The following OSTF1 variants were observed in gnomAD, a reference collection of about 807,000 sequenced individuals.
OSTF1 encodes osteoclast stimulating factor 1.
In OSTF1, 27 loss-of-function variants were observed where a neutral mutation model predicts 37.2. The ratio of observed to expected loss-of-function variants is 0.73; its 90% CI spans 0.54 to 1.00. The LOEUF (loss-of-function observed/expected upper bound fraction) is 1.00. OSTF1 is among the 50% of genes least tolerant of loss of function. OSTF1 has a pLI of 0.00. For synonymous variants in OSTF1, 82 were observed against 89.2 expected, an observed-to-expected ratio of 0.92 and a Z score of 0.46; for missense variants, 232 against 253.8, an observed-to-expected ratio of 0.91 and a Z score of 0.58.
chr9:75,090,296 T>TA, intron 1 of OSTF1, among the ~76,000 whole-genome samples: 1 of 1,648 alleles, frequency 6.1e-4, no homozygotes, highest in Non-Finnish European at 1.9e-3. Flanking sequence ...CATTGACAGG[T>TA]GTGTGTGTGT....
At position 75,146,849 on chromosome 9, in the gene OSTF1, A is replaced by C; in HGVS notation, c.*108A>C. 1 of 737,452 alleles carries C rather than the reference A, an allele frequency of 1.4e-6. No individual in the cohort carries two copies. The highest frequency in any genetic ancestry group is 2.3e-6 in the Non-Finnish European group (1 of 433,536). The allele number at this position is 737,452 out of a possible 1,614,324, so 45.7% of individuals were successfully genotyped here. On this transcript the variant is annotated 3_prime_UTR_variant, in exon 10 of 10. Coordinates refer to ENST00000346234, the MANE Select transcript of OSTF1 (RefSeq NM_012383.5). ...ACTATAAAGAAAATTATATATGAAC[A>C]CGGCAGTGTTGCACTGTGTTTGAGT...
chr9:75,129,370 T>C (rs1385286140), intron 3 of OSTF1, among the ~76,000 whole-genome samples: 1 of 152,076 alleles, frequency 6.6e-6, no homozygotes, highest in Non-Finnish European at 1.5e-5. Context: ...GATGAGGAAG[T>C]TTTTGTTTAA....
rs1447258098 is a variant in OSTF1 at position 75,131,756 on chromosome 9, TA to T, written c.197-13del. On this transcript the variant is annotated splice_polypyrimidine_tract_variant and intron_variant, in intron 4 of 9. Transcript: ENST00000346234. The stretch of plus-strand genomic sequence containing the variant: ...AATTCCACATTGGGTTAACACTTTT[TA>T]TTTTCAATCTAGTGGCTGAGCAGGC... The T allele has an allele frequency of 6.2e-7, 1 of 1,611,230 alleles. No homozygotes were observed. The highest frequency in any genetic ancestry group is 8.5e-7 in the Non-Finnish European group (1 of 1,177,422).
At chr9:75,108,480 T>C (rs924086181) in intron 1 of OSTF1, among the ~76,000 whole-genome samples, 1 of 152,120 alleles carries the variant, frequency 6.6e-6, no homozygotes, top group South Asian at 2.1e-4. Flanking sequence ...TATAAATGAT[T>C]ATTCATTGTT....
chr9:75,100,623 C>T (rs911699162), intron 1 of OSTF1, among the ~76,000 whole-genome samples: 3 of 151,150 alleles, frequency 2.0e-5, no homozygotes, highest in African/African-American at 4.9e-5. Flanking sequence ...CCCAGCTACT[C>T]GGGAGGCTAA....
In OSTF1 at chr9:75,105,674, T is replaced by C. The variant is rs1825271316; in HGVS notation, c.35-11830T>C. ...TTAATTTCAAGGACAGAGATCATTT[T>C]CTTCCATTTTTCCCAAGGTCTCCTC... On this transcript the variant is annotated intron_variant, in intron 1 of 9. Transcript: ENST00000346234. Among the ~76,000 whole-genome samples, 2 of 152,148 alleles carry C rather than the reference T, an allele frequency of 1.3e-5. 1 individual carries two copies. Among genetic ancestry groups the C allele is most frequent in the South Asian group, 4.1e-4 (2 of 4,826 alleles).
intron 2 of OSTF1, among the ~76,000 whole-genome samples, chr9:75,123,579 C>G (rs1272313400): frequency 6.6e-6 from 1 of 152,196 alleles, no homozygotes; most frequent in Admixed American, 6.5e-5. Context: ...AGGTATCCTG[C>G]TAGTGGTTTC....
intron 1 of OSTF1, among the ~76,000 whole-genome samples, chr9:75,095,466 G>A (rs1825058933): frequency 6.6e-6 from 1 of 152,214 alleles, no homozygotes; most frequent in Non-Finnish European, 1.5e-5. Flanking sequence ...TGTTACGGAA[G>A]AGGAGTAATC....
intron 7 of OSTF1, among the ~76,000 whole-genome samples, chr9:75,136,682 A>G (rs2118608247): frequency 6.6e-6 from 1 of 152,318 alleles, no homozygotes; most frequent in East Asian, 1.9e-4. Context: ...GTGAGCCACC[A>G]TGCCTGGCCC....
intron 2 of OSTF1, 52 bp from the exon 3 acceptor site, chr9:75,127,517 T>C: frequency 1.0e-6 from 1 of 999,632 alleles, no homozygotes; most frequent in Non-Finnish European, 1.5e-6. Context: ...TATATAATCA[T>C]ATTCTAATTC....
intron 3 of OSTF1, 149 bp from the exon 4 acceptor site, chr9:75,130,429 C>T: frequency 1.7e-6 from 1 of 588,960 alleles, no homozygotes. Context: ...AGACGGACAC[C>T]CACAGCTAGG....
intron 1 of OSTF1, among the ~76,000 whole-genome samples, chr9:75,113,432 A>G (rs1825426163): frequency 1.3e-5 from 2 of 151,230 alleles, no homozygotes; most frequent in African/African-American, 2.4e-5. Flanking sequence ...TCTGTCTGCA[A>G]TATTCTTTTT....
In OSTF1 at chr9:75,131,790, A is replaced by G. The variant is rs775310664; in HGVS notation, c.217A>G (p.Ile73Val). Residue 73 changes from isoleucine (I) to valine (V), a missense_variant, in exon 5 of 10, where the codon ATT becomes GTT. Coordinates refer to ENST00000346234, the MANE Select transcript of OSTF1 (RefSeq NM_012383.5). ...TCTAGTGGCTGAGCAGGCAGAATCC[A>G]TTGACAATCCATTGCATGAAGCAGC... is the stretch of plus-strand genomic sequence containing the variant. Reference protein sequence around the residue: ...SNYVAEQAESIDNPLHEAAKR... With the variant: ...SNYVAEQAESVDNPLHEAAKR... 5.0e-6 allele frequency: 8 copies of G among 1,613,718 alleles called. No individual in the cohort carries two copies. The highest frequency in any genetic ancestry group is 6.8e-6 in the Non-Finnish European group (8 of 1,179,702).
chr9:75,111,406 G>T (rs1214259858), intron 1 of OSTF1, among the ~76,000 whole-genome samples: 1 of 152,176 alleles, frequency 6.6e-6, no homozygotes, highest in Non-Finnish European at 1.5e-5. Context: ...GGACAGAACA[G>T]AGAAGGGTGG....
rs138416611 is a variant in OSTF1 at position 75,107,468 on chromosome 9, C to T, written c.35-10036C>T. ...CTCTTGATCAAATAATTCTCTTCCTCTTCTTTCATTTTGAGAGCTCTAAGA... is the reference window on the plus strand; with the variant it reads ...CTCTTGATCAAATAATTCTCTTCCTTTTCTTTCATTTTGAGAGCTCTAAGA... On this transcript the variant is annotated intron_variant, in intron 1 of 9. Coordinates refer to ENST00000346234, the MANE Select transcript of OSTF1 (RefSeq NM_012383.5). Among the ~76,000 whole-genome samples, 357 of 152,200 alleles carry T rather than the reference C, an allele frequency of 2.3e-3. 3 individuals are homozygous for T. Among genetic ancestry groups the T allele is most frequent in the African/African-American group, 7.9e-3 (328 of 41,536 alleles).
At chr9:75,119,503 A>G (rs953193847) in intron 2 of OSTF1, among the ~76,000 whole-genome samples, 5 of 152,224 alleles carry the variant, frequency 3.3e-5, no homozygotes, top group Non-Finnish European at 5.9e-5. Context: ...GATTTAACCA[A>G]AAGAAGTTTA....
chr9:75,116,089 G>C (rs951012457), intron 1 of OSTF1, among the ~76,000 whole-genome samples: 1 of 151,970 alleles, frequency 6.6e-6, no homozygotes, highest in Non-Finnish European at 1.5e-5. Flanking sequence ...GGGCGAAAGA[G>C]TGAGAATCTG....
chr9:75,117,651 G>A lies in OSTF1; in HGVS notation c.81+101G>A. 4 of 851,322 alleles carry A rather than the reference G, an allele frequency of 4.7e-6. No individual in the cohort carries two copies. In the Admixed American group the frequency reaches 8.3e-5, roughly 18 times the overall value. 52.7% of individuals were successfully genotyped at this position (851,322 alleles called of 1,614,324 possible). ...TGAATGGTCTGCCTTTTCTTTGATA[G>A]ACCTAGGTAATTCTCAGGAATGGAT... On this transcript the variant is annotated intron_variant, in intron 2 of 9. Transcript: ENST00000346234.
chr9:75,118,086 G>A (rs573335669), intron 2 of OSTF1, among the ~76,000 whole-genome samples: 15 of 152,204 alleles, frequency 9.9e-5, no homozygotes, highest in African/African-American at 2.9e-4. Context: ...GGATGGTCTC[G>A]TAGAGCTTGC....
Sources: gnomAD v4.1 joint callset for allele counts (sites outside exome capture counted in the v4.1 genomes callset) on GRCh38, gnomAD v4.1.1 for gene constraint, MANE v1.5 for transcripts, NCBI Gene and HGNC (gene_info 2026-07-23, HGNC 2026-07-21) for gene names.